The following ROBO2 variants were observed in gnomAD, a reference collection of about 807,000 sequenced individuals.
ROBO2 encodes the protein roundabout guidance receptor 2.
Under a neutral mutation model 160.8 loss-of-function variants are expected in ROBO2, and 53 were observed. The ratio of observed to expected loss-of-function variants is 0.33; its 90% CI spans 0.26 to 0.41. ROBO2 has a LOEUF of 0.41. Among genes scored for constraint, ROBO2 ranks in the 10% least tolerant of loss-of-function variants. ROBO2 has a pLI of 1.00. For synonymous variants in ROBO2, 664 were observed against 611.7 expected (o/e 1.09, Z -1.26); for missense variants, 1,577 against 1,722.4 (o/e 0.92, Z 1.49).
intron 2 of ROBO2, among the ~76,000 whole-genome samples, chr3:76,637,884 AT>A (rs2090427223): frequency 6.6e-6 from 1 of 152,206 alleles, no homozygotes; most frequent in South Asian, 2.1e-4. Flanking sequence ...AGAATCTAAA[AT>A]AACAGGGTTT....
At chr3:76,368,311 T>G (rs2108457181) in intron 2 of ROBO2, among the ~76,000 whole-genome samples, 1 of 152,082 alleles carries the variant, frequency 6.6e-6, no homozygotes, top group Admixed American at 6.6e-5. Flanking sequence ...GCCCAACAAA[T>G]TACCCCAAAA....
chr3:76,693,306 GTATA>G (rs540978468), intron 2 of ROBO2, among the ~76,000 whole-genome samples: 3 of 148,766 alleles, frequency 2.0e-5, no homozygotes, highest in Admixed American at 6.7e-5. Flanking sequence ...TGTAGTGTGT[GTATA>G]TATATATAGT....
At chr3:76,826,462 T>C (rs1441307149) in intron 2 of ROBO2, among the ~76,000 whole-genome samples, 1 of 152,116 alleles carries the variant, frequency 6.6e-6, no homozygotes, top group Admixed American at 6.6e-5. Context: ...AGCACTTTTA[T>C]ACTATGAAAT....
At chr3:77,332,409 G>T (rs1460285163) in intron 2 of ROBO2, among the ~76,000 whole-genome samples, 1 of 152,108 alleles carries the variant, frequency 6.6e-6, no homozygotes, top group Non-Finnish European at 1.5e-5. Flanking sequence ...ATTTTACAGA[G>T]GTAGTATTAT....
chr3:76,296,836 G>A (rs1709100547), intron 2 of ROBO2, among the ~76,000 whole-genome samples: 2 of 152,110 alleles, frequency 1.3e-5, no homozygotes, highest in Admixed American at 1.3e-4. Flanking sequence ...TAGGTGAGCG[G>A]GTAGCTTGAT....
At chr3:77,053,982 A>G (rs559268619) in intron 1 of ROBO2, among the ~76,000 whole-genome samples, 1 of 152,290 alleles carries the variant, frequency 6.6e-6, no homozygotes, top group South Asian at 2.1e-4. Flanking sequence ...GACTAGGGAG[A>G]TTCTCTTTCA....
At chr3:76,468,880 C>G (rs541101869) in intron 2 of ROBO2, among the ~76,000 whole-genome samples, 1 of 152,186 alleles carries the variant, frequency 6.6e-6, no homozygotes, top group Non-Finnish European at 1.5e-5. Flanking sequence ...CTTCAGCTGC[C>G]ACCACACATT....
intron 6 of ROBO2, among the ~76,000 whole-genome samples, chr3:77,525,438 A>C (rs1327820390): frequency 6.7e-6 from 1 of 148,494 alleles, no homozygotes; most frequent in Non-Finnish European, 1.5e-5. Flanking sequence ...AAAAAAAACT[A>C]TAAATTGAGG....
chr3:76,399,106 A>G lies in ROBO2; in HGVS notation c.109+461504A>G, dbSNP rs548861814. 6.6e-5 allele frequency among the ~76,000 whole-genome samples: 10 copies of G among 151,984 alleles called. No individual in the cohort carries two copies. The South Asian group carries it at 1.0e-3, about 16-fold the overall frequency. On this transcript the variant is annotated intron_variant, in intron 2 of 26. Transcript: ENST00000487694. ...AGGCACGCAAGCATAATATAATTTT[A>G]TAACATTGAAATCATATACAGAGAG...
At chr3:76,857,791 G>C (rs1386465529) in intron 2 of ROBO2, among the ~76,000 whole-genome samples, 2 of 152,066 alleles carry the variant, frequency 1.3e-5, no homozygotes, top group African/African-American at 4.8e-5. Context: ...GCTTCTCACG[G>C]CTTTTAGCAT....
chr3:76,660,696 A>C (rs2110045810), intron 2 of ROBO2, among the ~76,000 whole-genome samples: 1 of 152,332 alleles, frequency 6.6e-6, no homozygotes, highest in African/African-American at 2.4e-5. Flanking sequence ...AGTTCATTTT[A>C]GAACATTAAG....
rs188144424 is a variant in ROBO2 at position 77,557,900 on chromosome 3, A to T, written c.1232-44A>T. On this transcript the variant is annotated intron_variant, in intron 8 of 25. Coordinates refer to ENST00000461745, the Ensembl canonical transcript of ROBO2. The stretch of plus-strand genomic sequence containing the variant: ...AGTGTCAATATATCAAGCCTACTGA[A>T]CTACATTGATGTTAAAATACCTGAA... 372 of 1,459,044 alleles carry T rather than the reference A, an allele frequency of 2.5e-4. 2 individuals are homozygous for T. In the African/African-American group the frequency reaches 5.6e-3, roughly 22 times the overall value. 90.4% of individuals were successfully genotyped at this position (1,459,044 alleles called of 1,614,324 possible).
intron 2 of ROBO2, among the ~76,000 whole-genome samples, chr3:76,275,634 A>G (rs576052736): frequency 1.3e-5 from 2 of 152,268 alleles, no homozygotes; most frequent in East Asian, 3.9e-4. Context: ...AATATTTTCT[A>G]TTTAATCAGA....
At chr3:76,599,346 C>G (rs1180626528) in intron 2 of ROBO2, among the ~76,000 whole-genome samples, 1 of 152,118 alleles carries the variant, frequency 6.6e-6, no homozygotes, top group African/African-American at 2.4e-5. Context: ...GTTTCTGTAT[C>G]AGTTTGCTAA....
At chr3:76,948,900 A>AT (rs2078761417) in intron 2 of ROBO2, among the ~76,000 whole-genome samples, 1 of 41,922 alleles carries the variant, frequency 2.4e-5, no homozygotes, top group African/African-American at 1.3e-4. Context: ...ATATATATAT[A>AT]TATATATATT....
rs942217143 is a variant in ROBO2 at position 76,869,352 on chromosome 3, T to C, written c.110-228662T>C. On this transcript the variant is annotated intron_variant, in intron 2 of 26. Transcript: ENST00000487694. ...CTAGTAGAAATTGATGTTTTTTTTTTTTTTTTTTTTTTTTTGAGACGGAGT... is the reference window on the plus strand; with the variant it reads ...CTAGTAGAAATTGATGTTTTTTTTTCTTTTTTTTTTTTTTTGAGACGGAGT... Among the ~76,000 whole-genome samples, 109 of 135,926 alleles carry C rather than the reference T, an allele frequency of 8.0e-4. 2 individuals are homozygous for C. The highest frequency in any genetic ancestry group is 2.6e-3 in the Admixed American group (35 of 13,686). The allele number at this position is 135,926 out of a possible 152,430, so 89.2% of individuals were successfully genotyped here. A position where few individuals can be genotyped will look rare whatever the true frequency, so the allele number is the denominator to read the frequency against.
intron 2 of ROBO2, among the ~76,000 whole-genome samples, chr3:77,289,042 T>A (rs2060835689): frequency 6.6e-6 from 1 of 152,324 alleles, no homozygotes; most frequent in African/African-American, 2.4e-5. Context: ...TGTTTGTTCC[T>A]GTTGTGAGTG....
intron 2 of ROBO2, among the ~76,000 whole-genome samples, chr3:76,171,728 T>C (rs933275538): frequency 2.0e-5 from 3 of 152,062 alleles, no homozygotes; most frequent in African/African-American, 7.2e-5. Flanking sequence ...AAAGAGGTCC[T>C]GTTGTGCAAA....
At chr3:77,473,352 T>A (rs1205067191) in intron 2 of ROBO2, among the ~76,000 whole-genome samples, 2 of 150,932 alleles carry the variant, frequency 1.3e-5, no homozygotes, top group Non-Finnish European at 2.9e-5. Flanking sequence ...CTTCCAGGTA[T>A]CCCTTTCTAT....
Sources: gnomAD v4.1 joint callset for allele counts (sites outside exome capture counted in the v4.1 genomes callset) on GRCh38, gnomAD v4.1.1 for gene constraint, MANE v1.5 for transcripts, NCBI Gene and HGNC (gene_info 2026-07-23, HGNC 2026-07-21) for gene names.